Variants in EDNRB observed in about 807,000 individuals in gnomAD.
EDNRB encodes endothelin receptor type B.
Under a neutral mutation model 46.4 loss-of-function variants are expected in EDNRB, and 18 were observed. The observed-to-expected ratio is 0.39, with a 90% confidence interval of 0.27 to 0.57. EDNRB has a LOEUF of 0.57. Ranked by LOEUF, EDNRB falls within the 20% of genes least tolerant of loss-of-function variation. EDNRB has a pLI of 0.61. For synonymous variants in EDNRB, 213 were observed against 204.9 expected, an observed-to-expected ratio of 1.04 and a Z score of -0.34; for missense variants, 434 against 537.5, an observed-to-expected ratio of 0.81 and a Z score of 1.90.
intron 1 of EDNRB, among the ~76,000 whole-genome samples, chr13:77,963,448 C>T (rs1881485934): frequency 6.6e-6 from 1 of 152,046 alleles, no homozygotes; most frequent in African/African-American, 2.4e-5. Context: ...CAGAACAGAG[C>T]CCTCAGAAAT....
At chr13:77,920,119 C>G (rs12720155), upstream of EDNRB, among the ~76,000 whole-genome samples, 2 of 152,166 alleles carry the variant, frequency 1.3e-5, no homozygotes, top group African/African-American at 4.8e-5. Flanking sequence ...CTCTTCTCCT[C>G]TCTTCCTGCC....
At chr13:77,962,605 T>C (rs1472113028) in intron 1 of EDNRB, among the ~76,000 whole-genome samples, 1 of 152,186 alleles carries the variant, frequency 6.6e-6, no homozygotes, top group African/African-American at 2.4e-5. Context: ...AAATTAGGTA[T>C]TGATGGGACA....
chr13:77,958,210 C>A (rs952963849), intron 1 of EDNRB, among the ~76,000 whole-genome samples: 6 of 152,064 alleles, frequency 3.9e-5, no homozygotes, highest in African/African-American at 1.4e-4. Context: ...AGAGAACAGG[C>A]ATGTAGATCA....
At chr13:77,900,026 T>C (rs1878858427) in intron 5 of EDNRB, 59 bp from the exon 6 acceptor site, 1 of 1,424,918 alleles carries the variant, frequency 7.0e-7, no homozygotes, top group Admixed American at 1.7e-5. Context: ...CATGTAGTCA[T>C]TGTAGCTTCT....
intron 1 of EDNRB, among the ~76,000 whole-genome samples, chr13:77,965,448 GA>G (rs1352211202): frequency 1.3e-5 from 2 of 152,166 alleles, no homozygotes; most frequent in African/African-American, 2.4e-5. Flanking sequence ...AACAAGAAGA[GA>G]AAACAGTAAA....
At chr13:77,968,475 G>A (rs1329680761) in intron 1 of EDNRB, among the ~76,000 whole-genome samples, 1 of 152,028 alleles carries the variant, frequency 6.6e-6, no homozygotes, top group Non-Finnish European at 1.5e-5. Context: ...ATGGATAAAT[G>A]AATGCATGAA....
intron 1 of EDNRB, among the ~76,000 whole-genome samples, chr13:77,930,271 G>C (rs1021211973): frequency 1.3e-5 from 2 of 152,150 alleles, no homozygotes; most frequent in African/African-American, 4.8e-5. Context: ...GTAAAAAATA[G>C]TTTAGTAGAC....
At chr13:77,931,667 T>A (rs2137654462) in intron 1 of EDNRB, among the ~76,000 whole-genome samples, 1 of 149,746 alleles carries the variant, frequency 6.7e-6, no homozygotes, top group South Asian at 2.1e-4. Context: ...TCTTGCTGAA[T>A]TTGAGTTCCT....
chr13:77,961,224 A>G (rs1881401513), intron 1 of EDNRB, among the ~76,000 whole-genome samples: 1 of 152,116 alleles, frequency 6.6e-6, no homozygotes, highest in African/African-American at 2.4e-5. Context: ...CTCCACCCCA[A>G]ATCAAGAGAA....
At position 77,910,394 on chromosome 13, in the gene EDNRB, T is replaced by A. The variant is rs181841565; in HGVS notation, c.484-6787A>T. 4.6e-5 allele frequency among the ~76,000 whole-genome samples: 7 copies of A among 152,066 alleles called. No homozygotes were observed. In the East Asian group the frequency reaches 1.4e-3, roughly 29 times the overall value. Reference sequence around the variant, plus strand: ...TTTTGTCTCTGTTTCCTGTAGTAGTTAAGAGTTTTTCTGTGTTTGAACTAG... The same window carrying A: ...TTTTGTCTCTGTTTCCTGTAGTAGTAAAGAGTTTTTCTGTGTTTGAACTAG... On this transcript the variant is annotated intron_variant, in intron 1 of 6. Transcript: ENST00000646607.
At chr13:77,910,560 T>C (rs1013068116) in intron 1 of EDNRB, among the ~76,000 whole-genome samples, 1 of 152,016 alleles carries the variant, frequency 6.6e-6, no homozygotes, top group African/African-American at 2.4e-5. Context: ...TATTTTCTTC[T>C]TGACATACAG....
At chr13:77,919,772 TGTTAGA>T (rs1228783007), upstream of EDNRB, 2 of 682,478 alleles carry the variant, frequency 2.9e-6, no homozygotes, top group African/African-American at 3.6e-5. Flanking sequence ...GCTGTTTATT[TGTTAGA>T]GTTCTACGCT....
intron 1 of EDNRB, among the ~76,000 whole-genome samples, chr13:77,954,326 A>C (rs1439052744): frequency 6.6e-6 from 1 of 152,008 alleles, no homozygotes; most frequent in Non-Finnish European, 1.5e-5. Context: ...TCTATTGTCT[A>C]CTTCTATACC....
In EDNRB at chr13:77,900,527, A is replaced by T. The variant is rs1295402804; in HGVS notation, c.1079T>A (p.Leu360His). Residue 360 changes from leucine to histidine, a missense_variant, in exon 5 of 7, where the codon CTT (leucine) becomes CAT (histidine). Physicochemically the swap from Leu to His is moderately conservative, Grantham distance 99 (BLOSUM62 -3). Coordinates refer to ENST00000646607, the MANE Select transcript of EDNRB (RefSeq NM_001122659.3). ...YNQNDPNRCE[L>H]LSFLLVLDYI... ...TCTAGTTTGCCTTTCTTACCTCAAAAGTTCACATCTATTGGGATCATTCTG... is the reference window on the plus strand; with the variant it reads ...TCTAGTTTGCCTTTCTTACCTCAAATGTTCACATCTATTGGGATCATTCTG... The T allele has an allele frequency of 6.8e-6, 11 of 1,612,284 alleles. No homozygotes were observed. Among genetic ancestry groups the T allele is most frequent in the Non-Finnish European group, 9.3e-6 (11 of 1,178,914 alleles).
intron 1 of EDNRB, among the ~76,000 whole-genome samples, chr13:77,935,507 C>T (rs1011053416): frequency 6.6e-5 from 10 of 152,166 alleles, no homozygotes; most frequent in African/African-American, 1.9e-4. Flanking sequence ...TATCTAAAGT[C>T]GAAAGTATCT....
chr13:77,918,461 G>A lies in EDNRB; in HGVS notation c.113C>T (p.Pro38Leu), dbSNP rs779495524. 2.6e-6 allele frequency: 4 copies of A among 1,560,084 alleles called. No homozygotes were observed. Among genetic ancestry groups the A allele is most frequent in the Middle Eastern group, 1.7e-4 (1 of 5,788 alleles). ...CATTATCTCTGCGGTTTGCAAAAGC[G>A]GAGTGGCCCTGTCAGGCGGGAAGCC... is the stretch of plus-strand genomic sequence containing the variant. The part of the protein sequence containing the change: ...ERGFPPDRAT[P>L]LLQTAEIMTP... The change falls in exon 1 of 7, where the codon CCG (proline) becomes CTG (leucine). Residue 38 changes from proline (P) to leucine (L), a missense_variant. By Grantham distance (98) the Pro-to-Leu change is moderately conservative (BLOSUM62 -3). Coordinates refer to ENST00000646607, the MANE Select transcript of EDNRB (RefSeq NM_001122659.3). The surrounding 1 kb of genome is among the most constrained non-coding windows in gnomAD (Gnocchi z 4.5).
chr13:77,900,834 T>C (rs1878931390), intron 4 of EDNRB, among the ~76,000 whole-genome samples, 180 bp from the exon 5 acceptor site: 1 of 151,980 alleles, frequency 6.6e-6, no homozygotes, highest in Non-Finnish European at 1.5e-5. Context: ...TAGAGATTCA[T>C]CTTTAAAAAG....
At chr13:77,902,043 T>C (rs1395626673) in intron 3 of EDNRB, among the ~76,000 whole-genome samples, 2 of 152,000 alleles carry the variant, frequency 1.3e-5, no homozygotes, top group Admixed American at 6.6e-5. Flanking sequence ...ATCTATCTTC[T>C]GGAAACGAGT....
At chr13:77,917,808 G>T (rs143162520) in intron 1 of EDNRB, among the ~76,000 whole-genome samples, 129 of 152,320 alleles carry the variant, frequency 8.5e-4, no homozygotes, top group African/African-American at 3.1e-3. Context: ...TGTGCACCAA[G>T]TTCCCAAAGT....
Sources: gnomAD v4.1 joint callset for allele counts (sites outside exome capture counted in the v4.1 genomes callset) on GRCh38, gnomAD v4.1.1 for gene constraint, Gnocchi (gnomAD v3.1) non-coding constraint, MANE v1.5 for transcripts, NCBI Gene and HGNC (gene_info 2026-07-23, HGNC 2026-07-21) for gene names.